The following GCNT4 variants were observed in gnomAD, a reference collection of about 807,000 sequenced individuals.
GCNT4 encodes the protein glucosaminyl (N-acetyl) transferase 4.
A neutral mutation model predicts 31.3 loss-of-function variants in GCNT4; 17 were observed. The observed-to-expected ratio is 0.54, with a 90% confidence interval of 0.37 to 0.81. The LOEUF (loss-of-function observed/expected upper bound fraction) is 0.81, where lower values mean the gene tolerates loss of function less well. Ranked by LOEUF, GCNT4 falls within the 40% of genes least tolerant of loss-of-function variation. The pLI, the probability that GCNT4 is intolerant of heterozygous loss-of-function variation, is 0.00. For missense variants in GCNT4, 503 were observed against 525.5 expected (o/e 0.96, Z 0.42); for synonymous variants, 158 against 190.6 (o/e 0.83, Z 1.41).
intron 3 of GCNT4, among the ~76,000 whole-genome samples, chr5:75,034,776 C>T: frequency 6.6e-6 from 1 of 152,334 alleles, no homozygotes; most frequent in East Asian, 1.9e-4. Context: ...TCAGTAAAAA[C>T]CTACTCCTCA....
intron 3 of GCNT4, among the ~76,000 whole-genome samples, chr5:75,046,488 G>A (rs10052034): frequency 0.16 from 24,058 of 152,158 alleles, 2,505 homozygotes; most frequent in African/African-American, 0.3. Flanking sequence ...ATCTGAAGGA[G>A]CTGCTCTCTC....
At chr5:75,049,097 G>A (rs1743509887) in intron 2 of GCNT4, among the ~76,000 whole-genome samples, 1 of 151,750 alleles carries the variant, frequency 6.6e-6, no homozygotes. Flanking sequence ...TCCACATTGG[G>A]AAGAATTTAC....
chr5:75,034,023 T>C (rs1052573910), intron 3 of GCNT4, among the ~76,000 whole-genome samples: 3 of 152,216 alleles, frequency 2.0e-5, no homozygotes, highest in Non-Finnish European at 4.4e-5. Flanking sequence ...AACTCATTCT[T>C]TTTTATGGCC....
chr5:75,038,580 G>A (rs941941189), intron 3 of GCNT4, among the ~76,000 whole-genome samples: 1 of 152,178 alleles, frequency 6.6e-6, no homozygotes, highest in Non-Finnish European at 1.5e-5. Context: ...ATTTGGTGTC[G>A]GTGAGGGCTG....
At chr5:75,023,089 T>C (rs983167231), downstream of GCNT4, among the ~76,000 whole-genome samples, 1 of 152,184 alleles carries the variant, frequency 6.6e-6, no homozygotes, top group African/African-American at 2.4e-5. Context: ...AAAGAATGGA[T>C]ATTAGAAGGA....
upstream of GCNT4, among the ~76,000 whole-genome samples, chr5:75,053,070 G>A (rs1359153170): frequency 6.6e-6 from 1 of 151,948 alleles, no homozygotes; most frequent in African/African-American, 2.4e-5. Context: ...AGCCGGCTCC[G>A]CGGCCCGCGC....
At chr5:75,047,797 G>A (rs1404446477) in intron 3 of GCNT4, 100 bp downstream of exon 3, 1 of 152,022 alleles carries the variant, frequency 6.6e-6, no homozygotes, top group Non-Finnish European at 1.5e-5. Flanking sequence ...GGGGGAGGTA[G>A]GTAAAGCAGA....
intron 3 of GCNT4, among the ~76,000 whole-genome samples, chr5:75,045,603 A>G (rs868306637): frequency 2.6e-5 from 4 of 152,212 alleles, no homozygotes; most frequent in Non-Finnish European, 4.4e-5. Flanking sequence ...GGGTGTACAA[A>G]CACCTGTTTG....
At chr5:75,024,644 A>G (rs901636219), downstream of GCNT4, among the ~76,000 whole-genome samples, 11 of 152,152 alleles carry the variant, frequency 7.2e-5, no homozygotes, top group African/African-American at 2.7e-4. Context: ...GCGTGCTCAC[A>G]ACCAAGGCAG....
At chr5:75,039,627 G>A (rs575311863) in intron 3 of GCNT4, among the ~76,000 whole-genome samples, 3 of 152,142 alleles carry the variant, frequency 2.0e-5, no homozygotes, top group South Asian at 4.2e-4. Flanking sequence ...ACCACAATTC[G>A]AGACTGCCTT....
In GCNT4 at chr5:75,027,779, T is replaced by C. The variant is rs1305493256; in HGVS notation, c.*897A>G. 2.0e-5 allele frequency: 3 copies of C among 152,506 alleles called. No individual in the cohort carries two copies. Among genetic ancestry groups the C allele is most frequent in the South Asian group, 2.1e-4 (1 of 4,828 alleles). The allele number at this position is 152,506 out of a possible 1,614,324, so 9.4% of individuals were successfully genotyped here. ...AATGATTCCACAGAAAGTATTCCAT[T>C]GTAAAGAAACTTATCTAGAATGATA... On this transcript the variant is annotated 3_prime_UTR_variant, in exon 4 of 4. Coordinates refer to ENST00000652361, the MANE Select transcript of GCNT4 (RefSeq NM_001366737.1).
Position 75,026,667 on chromosome 5 carries a change from A to AC in GCNT4, c.*2008_*2009insG, listed in dbSNP as rs1561371684. ...TCTCACAAAAAAAAAAAAAAAAAAA[A>AC]AAAAACACTTGTGTGGAAGCAAGGA... On this transcript the variant is annotated 3_prime_UTR_variant, in exon 4 of 4. Coordinates refer to ENST00000652361, the MANE Select transcript of GCNT4 (RefSeq NM_001366737.1). 1.3e-4 allele frequency: 19 copies of AC among 150,362 alleles called. No homozygotes were observed. The highest frequency in any genetic ancestry group is 4.7e-4 in the African/African-American group (19 of 40,264). 9.3% of individuals were successfully genotyped at this position (150,362 alleles called of 1,614,324 possible). A position where few individuals can be genotyped will look rare whatever the true frequency, so the allele number is the denominator to read the frequency against.
chr5:75,053,474 C>G (rs1050445154), upstream of GCNT4, among the ~76,000 whole-genome samples: 1 of 152,110 alleles, frequency 6.6e-6, no homozygotes, highest in Non-Finnish European at 1.5e-5. Context: ...ATCTCCAGCC[C>G]CGGGCGACCC....
At chr5:75,018,274 T>TA in the GCNT4 span, among the ~76,000 whole-genome samples, 5 of 152,014 alleles carry the variant, frequency 3.3e-5, no homozygotes, top group African/African-American at 1.2e-4. Context: ...CATGTTTATT[T>TA]TTTATTTTTA....
intron 3 of GCNT4, among the ~76,000 whole-genome samples, chr5:75,031,385 A>G (rs1177446755): frequency 6.6e-6 from 1 of 152,124 alleles, no homozygotes; most frequent in Non-Finnish European, 1.5e-5. Flanking sequence ...ACTTTTTCTT[A>G]AAGGACCAGA....
At chr5:75,047,163 G>A (rs996310931) in intron 3 of GCNT4, among the ~76,000 whole-genome samples, 1 of 152,128 alleles carries the variant, frequency 6.6e-6, no homozygotes, top group Admixed American at 6.5e-5. Flanking sequence ...GGGCTCCCCT[G>A]TCACATAAAA....
chr5:75,040,292 T>C (rs146139213), intron 3 of GCNT4, among the ~76,000 whole-genome samples: 1 of 151,654 alleles, frequency 6.6e-6, no homozygotes, highest in Non-Finnish European at 1.5e-5. Context: ...TTCTTAAATC[T>C]CTCTCCTATC....
At chr5:75,033,257 G>A (rs1251885837) in intron 3 of GCNT4, among the ~76,000 whole-genome samples, 1 of 152,216 alleles carries the variant, frequency 6.6e-6, no homozygotes, top group Non-Finnish European at 1.5e-5. Context: ...TCCTGAGAAG[G>A]CCTGGGGCAC....
At chr5:75,032,931 C>T (rs907183150) in intron 3 of GCNT4, among the ~76,000 whole-genome samples, 5 of 126,952 alleles carry the variant, frequency 3.9e-5, no homozygotes, top group African/African-American at 1.4e-4. Context: ...GTGATTAATT[C>T]ATGGTTATTA....
Sources: gnomAD v4.1 joint callset for allele counts (sites outside exome capture counted in the v4.1 genomes callset) on GRCh38, gnomAD v4.1.1 for gene constraint, MANE v1.5 for transcripts, NCBI Gene and HGNC (gene_info 2026-07-23, HGNC 2026-07-21) for gene names.